Variants in DPYD observed in about 807,000 individuals in gnomAD.
DPYD encodes dihydropyrimidine dehydrogenase.
In DPYD, 109 loss-of-function variants were observed where a neutral mutation model predicts 116.2. The ratio of observed to expected loss-of-function variants is 0.94; its 90% CI spans 0.80 to 1.10. The LOEUF (loss-of-function observed/expected upper bound fraction) is 1.10, where lower values mean the gene tolerates loss of function less well. Among genes scored for constraint, DPYD ranks in the 50% least tolerant of loss-of-function variants. The pLI, the probability that DPYD is intolerant of heterozygous loss-of-function variation, is 0.00. For synonymous variants in DPYD, 440 were observed against 432.0 expected, an observed-to-expected ratio of 1.02 and a Z score of -0.23; for missense variants, 1,302 against 1,254.5, an observed-to-expected ratio of 1.04 and a Z score of -0.57.
chr1:97,683,593 C>G (rs1660548687), intron 7 of DPYD, among the ~76,000 whole-genome samples: 1 of 151,670 alleles, frequency 6.6e-6, no homozygotes, highest in Non-Finnish European at 1.5e-5. Flanking sequence ...GATATAAAGA[C>G]CATGAAACAA....
chr1:97,398,948 T>G (rs74947113), intron 14 of DPYD, among the ~76,000 whole-genome samples: 1 of 152,146 alleles, frequency 6.6e-6, no homozygotes, highest in Non-Finnish European at 1.5e-5. Flanking sequence ...CTCTTTAGTT[T>G]AATTAGATCC....
chr1:97,770,591 T>A (rs1268230260), intron 3 of DPYD, among the ~76,000 whole-genome samples: 1 of 152,208 alleles, frequency 6.6e-6, no homozygotes, highest in Non-Finnish European at 1.5e-5. Context: ...GTTTTCAAAC[T>A]GTTTTGAGTA....
At chr1:97,493,691 T>C (rs1679097526) in intron 13 of DPYD, among the ~76,000 whole-genome samples, 1 of 152,108 alleles carries the variant, frequency 6.6e-6, no homozygotes. Flanking sequence ...GCTATGGGAC[T>C]CAAAAGGGAG....
intron 2 of DPYD, among the ~76,000 whole-genome samples, chr1:97,858,232 T>G (rs1277966877): frequency 2.0e-5 from 3 of 152,160 alleles, no homozygotes; most frequent in South Asian, 4.1e-4. Flanking sequence ...TTTTATAACT[T>G]TAGATTATTA....
chr1:97,708,429 T>C lies in DPYD; in HGVS notation c.484-8882A>G, dbSNP rs193163871. On this transcript the variant is annotated intron_variant, in intron 5 of 22. Transcript: ENST00000370192. Reference sequence around the variant, plus strand: ...CTATCCCTTCTCCATTATATTGCCTTTGCTCTTTTGTCAAAGATAAGTTGG... The same window carrying C: ...CTATCCCTTCTCCATTATATTGCCTCTGCTCTTTTGTCAAAGATAAGTTGG... 1.7e-3 allele frequency among the ~76,000 whole-genome samples: 264 copies of C among 152,204 alleles called. 1 individual carries two copies. Among genetic ancestry groups the C allele is most frequent in the African/African-American group, 6.0e-3 (251 of 41,550 alleles).
At chr1:97,729,156 T>C (rs915581430) in intron 4 of DPYD, among the ~76,000 whole-genome samples, 2 of 152,110 alleles carry the variant, frequency 1.3e-5, no homozygotes. Context: ...AACGTTTTTA[T>C]TGATCCTGAG....
rs189957305 is a variant in DPYD, at chr1:97,238,924, G to T, written c.2300-3930C>A. Among the ~76,000 whole-genome samples, 41 of 152,242 alleles carry T rather than the reference G, an allele frequency of 2.7e-4. No homozygotes were observed. The East Asian group carries it at 7.3e-3, about 27-fold the overall frequency. On this transcript the variant is annotated intron_variant, in intron 18 of 22. Coordinates refer to ENST00000370192, the MANE Select transcript of DPYD (RefSeq NM_000110.4). The stretch of plus-strand genomic sequence containing the variant: ...TCAAGCCATTCTGCTTCAACTGTGT[G>T]GAATCCTCCAATAAAAATCAAGCCA...
chr1:97,729,391 G>C (rs1364322613), intron 4 of DPYD, among the ~76,000 whole-genome samples: 1 of 151,506 alleles, frequency 6.6e-6, no homozygotes, highest in African/African-American at 2.4e-5. Context: ...TTTTTTAACT[G>C]TGCATGGATA....
At chr1:97,439,407 C>G (rs977112054) in intron 14 of DPYD, among the ~76,000 whole-genome samples, 1 of 152,172 alleles carries the variant, frequency 6.6e-6, no homozygotes, top group African/African-American at 2.4e-5. Flanking sequence ...TTTATTTTCT[C>G]TAATGTTATC....
intron 3 of DPYD, among the ~76,000 whole-genome samples, chr1:97,759,925 G>A (rs181413745): frequency 1.3e-3 from 191 of 152,166 alleles, no homozygotes; most frequent in South Asian, 3.9e-3. Flanking sequence ...TATATGGGAC[G>A]TGATAAACTA....
intron 20 of DPYD, among the ~76,000 whole-genome samples, chr1:97,138,819 T>C (rs1306938212): frequency 6.6e-6 from 1 of 152,126 alleles, no homozygotes; most frequent in Non-Finnish European, 1.5e-5. Flanking sequence ...TTCCAGGGAT[T>C]TGGAGAAGGA....
At chr1:97,883,929 C>A in intron 1 of DPYD, 6 of 427,072 alleles carry the variant, frequency 1.4e-5, no homozygotes, top group South Asian at 5.5e-5. Context: ...ATTTGGTTTT[C>A]CAAAAAAAAG....
At chr1:97,111,634 C>A (rs995460343) in intron 20 of DPYD, among the ~76,000 whole-genome samples, 3 of 152,060 alleles carry the variant, frequency 2.0e-5, no homozygotes, top group Admixed American at 6.6e-5. Context: ...CTTCACATCT[C>A]CTTTTTAAAA....
intron 16 of DPYD, among the ~76,000 whole-genome samples, chr1:97,323,154 T>A (rs1250300764): frequency 6.7e-6 from 1 of 149,758 alleles, no homozygotes; most frequent in Non-Finnish European, 1.5e-5. Context: ...GGCATATATA[T>A]GTGTAAATAT....
intron 19 of DPYD, among the ~76,000 whole-genome samples, chr1:97,196,192 TG>T (rs766214060): frequency 6.6e-6 from 1 of 152,142 alleles, no homozygotes; most frequent in Non-Finnish European, 1.5e-5. Context: ...CTCAACCTCC[TG>T]AGCTCAAGCA....
chr1:97,283,844 CA>C (rs1665488103), intron 18 of DPYD, among the ~76,000 whole-genome samples: 1 of 152,086 alleles, frequency 6.6e-6, no homozygotes, highest in Non-Finnish European at 1.5e-5. Flanking sequence ...TACAGTGGAA[CA>C]CTGGGTCCAA....
At chr1:97,652,126 A>T (rs2100844152) in intron 8 of DPYD, among the ~76,000 whole-genome samples, 1 of 152,286 alleles carries the variant, frequency 6.6e-6, no homozygotes, top group South Asian at 2.1e-4. Flanking sequence ...CATTCTATAA[A>T]TAGTCATATA....
chr1:97,480,994 G>GA (rs938600877), intron 13 of DPYD, among the ~76,000 whole-genome samples: 1 of 151,182 alleles, frequency 6.6e-6, no homozygotes, highest in African/African-American at 2.4e-5. Context: ...AAAACAAAAA[G>GA]AAAAAAAATT....
rs185920681 is a variant in DPYD, at chr1:97,271,606, G to A, written c.2299+33653C>T. On this transcript the variant is annotated intron_variant, in intron 18 of 22. Transcript: ENST00000370192. Reference sequence around the variant, plus strand: ...ATCTGCATATTCTCCACATTCTGCCGATATTATATTTTGAAAACCCCATAA... The same window carrying A: ...ATCTGCATATTCTCCACATTCTGCCAATATTATATTTTGAAAACCCCATAA... Among the ~76,000 whole-genome samples the A allele has an allele frequency of 3.6e-3, 544 of 152,142 alleles. 3 individuals are homozygous for A. Among genetic ancestry groups the A allele is most frequent in the Non-Finnish European group, 4.1e-3 (281 of 67,966 alleles).
Sources: gnomAD v4.1 joint callset for allele counts (sites outside exome capture counted in the v4.1 genomes callset) on GRCh38, gnomAD v4.1.1 for gene constraint, MANE v1.5 for transcripts, NCBI Gene and HGNC (gene_info 2026-07-23, HGNC 2026-07-21) for gene names.